Variants in CDC27 observed in about 807,000 individuals in gnomAD.
CDC27 encodes cell division cycle 27, also known as cell division cycle protein 27 homolog.
In CDC27, 27 loss-of-function variants were observed where a neutral mutation model predicts 109.7. That is an observed-to-expected ratio of 0.25 (90% confidence interval 0.18 to 0.34). CDC27 has a LOEUF of 0.34. Among genes scored for constraint, CDC27 ranks in the 10% least tolerant of loss-of-function variants. CDC27 has a pLI of 1.00. For missense variants in CDC27, 579 were observed against 960.2 expected (o/e 0.60, Z 5.25); for synonymous variants, 266 against 333.9 (o/e 0.80, Z 2.22).
intron 15 of CDC27, 23 bp downstream of exon 15, chr17:47,132,231 GTAT>G (rs775323257): frequency 6.2e-5 from 61 of 988,348 alleles, no homozygotes; most frequent in Non-Finnish European, 9.3e-5. Context: ...GATTAATAGA[GTAT>G]TAATGTTTAG....
intron 2 of CDC27, among the ~76,000 whole-genome samples, chr17:47,180,389 A>C (rs2064176548): frequency 6.6e-6 from 1 of 152,114 alleles, no homozygotes; most frequent in Non-Finnish European, 1.5e-5. Context: ...CAGCTCTCTC[A>C]CATGGACAGT....
chr17:47,151,779 A>G (rs750756240), intron 9 of CDC27, 27 bp downstream of exon 9: 1 of 1,498,244 alleles, frequency 6.7e-7, no homozygotes. Flanking sequence ...ATGCCAAGAA[A>G]AGTTGAATAA....
intron 14 of CDC27, among the ~76,000 whole-genome samples, chr17:47,133,131 ATATAT>A (rs2062442431): frequency 5.1e-5 from 6 of 118,454 alleles, no homozygotes; most frequent in East Asian, 5.7e-4. Context: ...ATATATATAT[ATATAT>A]AATATATATG....
rs191480947 is a variant in CDC27, at chr17:47,170,187, C to T, written c.252-145G>A. 31 of 516,934 alleles carry T rather than the reference C, an allele frequency of 6.0e-5. No individual in the cohort carries two copies. The South Asian group carries it at 7.5e-4, about 12-fold the overall frequency. The allele number at this position is 516,934 out of a possible 1,614,324, so 32.0% of individuals were successfully genotyped here. A position where few individuals can be genotyped will look rare whatever the true frequency, so the allele number is the denominator to read the frequency against. ...TTTCCTTTTCCTTCCTTCCTTCATC[C>T]CTCCCTCTCTCTGTCTTCCTTTCTT... On this transcript the variant is annotated intron_variant, in intron 3 of 18. Transcript: ENST00000066544.
At chr17:47,152,114 A>G (rs1178194353) in intron 8 of CDC27, among the ~76,000 whole-genome samples, 196 bp from the exon 9 acceptor site, 1 of 152,150 alleles carries the variant, frequency 6.6e-6, no homozygotes, top group Non-Finnish European at 1.5e-5. Context: ...CCCTGTTTTA[A>G]TCTCACAGTA....
Position 47,119,635 on chromosome 17 carries a change from T to A in CDC27, c.*1300A>T, listed in dbSNP as rs2148777770. On this transcript the variant is annotated 3_prime_UTR_variant, in exon 19 of 19. Transcript: ENST00000066544. ...TTTCAATACATTACAGTAAAGGAGA[T>A]AAACAATTTAAGACTGTTTAAATCT... is the stretch of plus-strand genomic sequence containing the variant. 2 of 152,336 alleles carry A rather than the reference T, an allele frequency of 1.3e-5. No individual in the cohort carries two copies. The highest frequency in any genetic ancestry group is 3.4e-3 in the Middle Eastern group (1 of 294). The allele number at this position is 152,336 out of a possible 1,614,324, so 9.4% of individuals were successfully genotyped here.
At chr17:47,145,459 C>T (rs1283013274) in intron 9 of CDC27, among the ~76,000 whole-genome samples, 1 of 152,148 alleles carries the variant, frequency 6.6e-6, no homozygotes, top group East Asian at 1.9e-4. Context: ...GTCCACGTCC[C>T]AGGCTCCTGA....
chr17:47,157,446 G>C (rs1303379764), intron 5 of CDC27, 62 bp from the exon 6 acceptor site: 4 of 1,317,452 alleles, frequency 3.0e-6, no homozygotes, highest in Non-Finnish European at 4.3e-6. Flanking sequence ...TGTTTTTCAA[G>C]TATGCATAAA....
chr17:47,156,278 A>G (rs1385062014), intron 7 of CDC27, among the ~76,000 whole-genome samples: 1 of 151,344 alleles, frequency 6.6e-6, no homozygotes, highest in Admixed American at 6.6e-5. Flanking sequence ...AGCTGGATCT[A>G]CAGGCGCGTG....
chr17:47,158,032 TATATG>T (rs2063370864), intron 5 of CDC27, among the ~76,000 whole-genome samples, 169 bp downstream of exon 5: 1 of 152,234 alleles, frequency 6.6e-6, no homozygotes. Flanking sequence ...AATTTTCAGT[TATATG>T]ATTCTTGAAA....
intron 16 of CDC27, among the ~76,000 whole-genome samples, chr17:47,128,210 T>G (rs956100662): frequency 2.0e-5 from 3 of 152,044 alleles, no homozygotes; most frequent in Admixed American, 1.3e-4. Flanking sequence ...TTTGTATTTT[T>G]GGTAGAGATG....
chr17:47,181,254 C>CAAAAAAAAAAAAAAAAAAAAAAAAAAA (rs34104273), intron 2 of CDC27: 1 of 31,214 alleles, frequency 3.2e-5, no homozygotes, highest in African/African-American at 1.2e-4. Context: ...GACCCTGTTT[C>CAAAAAAAAAAAAAAAAAAAAAAAAAAA]AAAAAAAAAA....
In CDC27 at chr17:47,142,042, T is replaced by C. The variant is rs1324710136; in HGVS notation, c.1379-17A>G. Reference sequence around the variant, plus strand: ...TCAAACCTTCTAGGAGAAAACAACATAGTAAACAAAGGAAAAAACGCAATA... The same window carrying C: ...TCAAACCTTCTAGGAGAAAACAACACAGTAAACAAAGGAAAAAACGCAATA... On this transcript the variant is annotated splice_polypyrimidine_tract_variant and intron_variant, in intron 11 of 18. Transcript: ENST00000066544. The C allele has an allele frequency of 4.5e-6, 7 of 1,550,810 alleles. No individual in the cohort carries two copies. The highest frequency in any genetic ancestry group is 2.8e-5 in the African/African-American group (2 of 71,940).
chr17:47,157,469 G>C (rs537914509), intron 5 of CDC27, 85 bp from the exon 6 acceptor site: 2 of 1,009,350 alleles, frequency 2.0e-6, no homozygotes, highest in African/African-American at 3.3e-5. Flanking sequence ...AGTGGAAACA[G>C]GAAATAGGCC....
At chr17:47,145,795 C>T (rs111686468) in intron 9 of CDC27, among the ~76,000 whole-genome samples, 6,800 of 151,592 alleles carry the variant, frequency 0.045, 209 homozygotes, top group Middle Eastern at 0.11. Flanking sequence ...CAGCCACTCG[C>T]GGGTTCAAGT....
At chr17:47,179,358 T>C (rs1257635046) in intron 2 of CDC27, among the ~76,000 whole-genome samples, 1 of 152,118 alleles carries the variant, frequency 6.6e-6, no homozygotes, top group Non-Finnish European at 1.5e-5. Context: ...TGCCAAGAAT[T>C]CTGAGGTTGG....
chr17:47,144,892 CAT>C (rs1367376595), intron 9 of CDC27, among the ~76,000 whole-genome samples: 2 of 151,972 alleles, frequency 1.3e-5, no homozygotes, highest in South Asian at 4.2e-4. Context: ...CACACACACA[CAT>C]AAATCCTTTT....
rs112692466 is a variant in CDC27 at position 47,189,211 on chromosome 17, C to G, written c.-39G>C. On this transcript the variant is annotated 5_prime_UTR_variant, in exon 1 of 19. Transcript: ENST00000066544. ...GCCCACTTTCTGCAGTGCCTCAGGC[C>G]CCCCCTGTAGCGGCTCCGGCCCGGC... is the stretch of plus-strand genomic sequence containing the variant. 15 of 1,574,278 alleles carry G rather than the reference C, an allele frequency of 9.5e-6. No homozygotes were observed. Among genetic ancestry groups the G allele is most frequent in the South Asian group, 4.4e-5 (4 of 90,322 alleles).
chr17:47,150,469 A>G (rs1252109211), intron 9 of CDC27, among the ~76,000 whole-genome samples: 4 of 152,208 alleles, frequency 2.6e-5, no homozygotes, highest in African/African-American at 7.2e-5. Flanking sequence ...AGAGGAAGAT[A>G]CTGAGTTATA....
Sources: gnomAD v4.1 joint callset for allele counts (sites outside exome capture counted in the v4.1 genomes callset) on GRCh38, gnomAD v4.1.1 for gene constraint, MANE v1.5 for transcripts, NCBI Gene and HGNC (gene_info 2026-07-23, HGNC 2026-07-21) for gene names.